SLC7A3: variants seen among roughly 807,000 people sequenced by gnomAD.
SLC7A3 encodes the protein cationic amino acid transporter 3.
In SLC7A3, 3 loss-of-function variants were observed where a neutral mutation model predicts 33.2. The ratio of observed to expected loss-of-function variants is 0.09; its 90% CI spans 0.04 to 0.23. The LOEUF (loss-of-function observed/expected upper bound fraction) is 0.23. Ranked by LOEUF, SLC7A3 falls within the 10% of genes least tolerant of loss-of-function variation. SLC7A3 has a pLI of 1.00. For synonymous variants in SLC7A3, 193 were observed against 195.1 expected (o/e 0.99, Z 0.09); for missense variants, 360 against 488.8 (o/e 0.74, Z 2.48).
At chrX:70,929,335 T>A (rs1488567498) in intron 2 of SLC7A3, among the ~76,000 whole-genome samples, 1 of 111,929 alleles carries the variant, frequency 8.9e-6, no homozygotes, top group Non-Finnish European at 1.9e-5. Flanking sequence ...AGGTGATCTG[T>A]CTGCCTCGGC....
intron 6 of SLC7A3, 58 bp from the exon 7 acceptor site, chrX:70,927,681 T>G: frequency 1.7e-6 from 2 of 1,181,333 alleles, no homozygotes; most frequent in Non-Finnish European, 2.3e-6. Flanking sequence ...TTCCCAAGAC[T>G]GTATGTTTAA....
Position 70,928,943 on chromosome X carries a change from T to C in SLC7A3, c.430A>G (p.Ile144Val). 6 of 1,211,471 alleles carry C rather than the reference T, an allele frequency of 5.0e-6. No homozygotes were observed. The highest frequency in any genetic ancestry group is 6.7e-6 in the Non-Finnish European group (6 of 895,246). The part of the protein sequence containing the change: ...SAFDNLIGNH[I>V]SKTLQGSIAL... ...ATGGACCCCTGCAGAGTCTTAGAGA[T>C]GTGGTTCCCAATCAGGTTGTCAAAA... Residue 144 changes from isoleucine to valine, a missense_variant, in exon 3 of 12, where the codon ATC (isoleucine) becomes GTC (valine). Transcript: ENST00000374299.
chrX:70,930,983 G>A lies in SLC7A3; in HGVS notation c.-32C>T, dbSNP rs1602238657. The stretch of plus-strand genomic sequence containing the variant: ...GTGGGTCCCCAACGCTTACCAGAGA[G>A]CTGTTGCAAACCTAGGGAGCACAGA... On this transcript the variant is annotated 5_prime_UTR_variant, in exon 1 of 12. Coordinates refer to ENST00000374299, the MANE Select transcript of SLC7A3 (RefSeq NM_032803.6). 9.0e-6 allele frequency: 1 copy of A among 111,066 alleles called. No individual in the cohort carries two copies. Among genetic ancestry groups the A allele is most frequent in the Non-Finnish European group, 1.9e-5 (1 of 52,932 alleles). 9.2% of individuals were successfully genotyped at this position (111,066 alleles called of 1,213,427 possible).
chrX:70,926,184 A>C lies in SLC7A3; in HGVS notation c.1621-6T>G, dbSNP rs41310635. 2.5e-6 allele frequency: 3 copies of C among 1,189,341 alleles called. No individual in the cohort carries two copies. Among genetic ancestry groups the C allele is most frequent in the Middle Eastern group, 2.3e-4 (1 of 4,313 alleles). On this transcript the variant is annotated splice_region_variant and splice_polypyrimidine_tract_variant and intron_variant, in intron 10 of 11. Coordinates refer to ENST00000374299, the MANE Select transcript of SLC7A3 (RefSeq NM_032803.6). Reference sequence around the variant, plus strand: ...AGGAGAGGCAAAGCAGGCACCTGAAAACAAAGTAAAATCTTCTTTGTACAT... The same window carrying C: ...AGGAGAGGCAAAGCAGGCACCTGAACACAAAGTAAAATCTTCTTTGTACAT...
rs901262033 is a variant in SLC7A3, at chrX:70,929,740, C to T, written c.258G>A (p.Glu86=). 9.9e-6 allele frequency: 12 copies of T among 1,211,273 alleles called. No homozygotes were observed. The highest frequency in any genetic ancestry group is 1.2e-5 in the Non-Finnish European group (11 of 895,279). The change falls in exon 2 of 12, where the codon GAG becomes GAA. Residue 86 remains glutamate (E), a synonymous_variant. Transcript: ENST00000374299. ...CAGAACGGGGAACCCGGGCACCAAA[C>T]TCCGCATAGCACAGCCCAGCCAACA... ...SSVLAGLCYA[E]FGARVPRSGS...
In SLC7A3 at chrX:70,929,852, C is replaced by T; in HGVS notation, c.146G>A (p.Gly49Asp). 1 of 1,211,582 alleles carries T rather than the reference C, an allele frequency of 8.3e-7. No homozygotes were observed. The highest frequency in any genetic ancestry group is 1.1e-6 in the Non-Finnish European group (1 of 895,299). The change falls in exon 2 of 12, where the codon GGC (glycine) becomes GAC (aspartate). Residue 49 changes from glycine (G) to aspartate (D), a missense_variant. Physicochemically the swap from Gly to Asp is moderately conservative, Grantham distance 94. Coordinates refer to ENST00000374299, the MANE Select transcript of SLC7A3 (RefSeq NM_032803.6). The part of the protein sequence containing the change: ...ALGVGSTLGA[G>D]VYVLAGEVAK... Reference sequence around the variant, plus strand: ...CACCTCGCCAGCTAGGACATACACGCCTGCACCCAATGTGCTGCCCACACC... The same window carrying T: ...CACCTCGCCAGCTAGGACATACACGTCTGCACCCAATGTGCTGCCCACACC...
rs541245944 is a variant in SLC7A3, at chrX:70,930,449, A to T, written c.-25-427T>A. On this transcript the variant is annotated intron_variant, in intron 1 of 11. Coordinates refer to ENST00000374299, the MANE Select transcript of SLC7A3 (RefSeq NM_032803.6). ...ACCCAGGGGCTTCCCCCGGGGCTTC[A>T]AACAGACACAGCCCCCAGACCCCCC... Among the ~76,000 whole-genome samples the T allele has an allele frequency of 1.1e-4, 12 of 111,649 alleles. No homozygotes were observed. In the South Asian group the frequency reaches 4.2e-3, roughly 39 times the overall value.
intron 9 of SLC7A3, 91 bp from the exon 10 acceptor site, chrX:70,926,784 C>G: frequency 8.7e-7 from 1 of 1,155,614 alleles, no homozygotes; most frequent in South Asian, 2.0e-5. Flanking sequence ...GAGTCGCTCT[C>G]TCTCTAGTTC....
chrX:70,926,837 T>C, intron 9 of SLC7A3, 38 bp downstream of exon 9: 1 of 1,196,119 alleles, frequency 8.4e-7, no homozygotes, highest in Non-Finnish European at 1.1e-6. Flanking sequence ...CCAATCACGC[T>C]GATCTCAGAG....
At chrX:70,927,228 T>C in intron 8 of SLC7A3, 54 bp downstream of exon 8, 1 of 1,130,390 alleles carries the variant, frequency 8.8e-7, no homozygotes, top group Non-Finnish European at 1.2e-6. Flanking sequence ...ATCTCCATCA[T>C]TCCTCATCCA....
At position 70,926,195 on chromosome X, in the gene SLC7A3, ATCT is replaced by A. The variant is rs770733317; in HGVS notation, c.1621-20_1621-18del. 2 of 1,167,404 alleles carry A rather than the reference ATCT, an allele frequency of 1.7e-6. No homozygotes were observed. The highest frequency in any genetic ancestry group is 2.3e-6 in the Non-Finnish European group (2 of 859,169). On this transcript the variant is annotated intron_variant, in intron 10 of 11. Coordinates refer to ENST00000374299, the MANE Select transcript of SLC7A3 (RefSeq NM_032803.6). ...AGCAGGCACCTGAAAACAAAGTAAA[ATCT>A]TCTTTGTACATACCACAGGTTGACC... is the stretch of plus-strand genomic sequence containing the variant.
chrX:70,928,344 C>G (rs2091902035), intron 4 of SLC7A3, 87 bp from the exon 5 acceptor site: 25 of 1,092,870 alleles, frequency 2.3e-5, no homozygotes, highest in Non-Finnish European at 3.0e-5. Flanking sequence ...TTAGCTAGGT[C>G]TTCAAAGCCC....
rs1258052210 is a variant in SLC7A3 at position 70,927,527 on chromosome X, T to C, written c.1140A>G (p.Thr380=). 1.7e-5 allele frequency: 20 copies of C among 1,209,375 alleles called. No individual in the cohort carries two copies. The highest frequency in any genetic ancestry group is 2.1e-5 in the Non-Finnish European group (19 of 895,072). ...FRVLARIHTG[T]RTPIIATVVS... ...CCACGGTGGCTATGATTGGGGTGCG[T>C]GTGCCGGTGTGGATCCGAGCAAGTA... The change falls in exon 7 of 12, where the codon ACA becomes ACG. Residue 380 remains threonine, a synonymous_variant. Transcript: ENST00000374299.
chrX:70,928,098 G>A (rs748806426), intron 5 of SLC7A3, 47 bp downstream of exon 5: 29 of 1,188,428 alleles, frequency 2.4e-5, no homozygotes, highest in Non-Finnish European at 1.1e-6. Context: ...TACAGCCTGG[G>A]CACACACTGT....
Position 70,928,619 on chromosome X carries a change from C to T in SLC7A3, c.544G>A (p.Gly182Arg), listed in dbSNP as rs767788043. The change falls in exon 4 of 12, where the codon GGG (glycine) becomes AGG (arginine). Residue 182 changes from glycine to arginine, a missense_variant. Coordinates refer to ENST00000374299, the MANE Select transcript of SLC7A3 (RefSeq NM_032803.6). ...GTAACCAGGGCCGACTCACTAGCCC[C>T]GAGAGCCAACAATCCTGTGGGAGAA... ...VLLLTGLLAL[G>R]ASESALVTKV... 6 of 1,202,271 alleles carry T rather than the reference C, an allele frequency of 5.0e-6. No homozygotes were observed. Among genetic ancestry groups the T allele is most frequent in the African/African-American group, 1.7e-5 (1 of 57,546 alleles).
At position 70,928,908 on chromosome X, in the gene SLC7A3, G is replaced by A. The variant is rs1174726573; in HGVS notation, c.465C>T (p.His155=). The A allele has an allele frequency of 2.5e-6, 3 of 1,210,976 alleles. No homozygotes were observed. The highest frequency in any genetic ancestry group is 3.5e-5 in the South Asian group (2 of 56,970). Residue 155 remains histidine, a synonymous_variant, in exon 3 of 12, where the codon CAC becomes CAT. Transcript: ENST00000374299. ...SKTLQGSIAL[H]VPHVLAEYPD... is the part of the protein sequence containing the mutation. ...GATATTCTGCAAGGACATGGGGCAC[G>A]TGCAGTGCAATGGACCCCTGCAGAG...
rs757200118 is a variant in SLC7A3, at chrX:70,927,535, T to C, written c.1132A>G (p.Thr378Ala). The C allele has an allele frequency of 8.7e-5, 105 of 1,209,242 alleles. 1 individual carries two copies. In the South Asian group the frequency reaches 1.7e-3, roughly 19 times the overall value. ...GCTATGATTGGGGTGCGTGTGCCGGTGTGGATCCGAGCAAGTACACGGAAC... is the reference window on the plus strand; with the variant it reads ...GCTATGATTGGGGTGCGTGTGCCGGCGTGGATCCGAGCAAGTACACGGAAC... Reference protein sequence around the residue: ...LLFRVLARIHTGTRTPIIATV... With the variant: ...LLFRVLARIHAGTRTPIIATV... The change falls in exon 7 of 12, where the codon ACC becomes GCC. Residue 378 changes from threonine to alanine, a missense_variant. Coordinates refer to ENST00000374299, the MANE Select transcript of SLC7A3 (RefSeq NM_032803.6).
Position 70,926,540 on chromosome X carries a change from G to C in SLC7A3, c.1607C>G (p.Pro536Arg). Residue 536 changes from proline (P) to arginine (R), a missense_variant, in exon 10 of 12, where the codon CCC becomes CGC. Transcript: ENST00000374299. ...VIWRQPQSST[P>R]LHFKVPALPL... The stretch of plus-strand genomic sequence containing the variant: ...GAGTTCATTTACCTTAAAGTGAAGG[G>C]GAGTGGAACTCTGTGGCTGTCTCCA... 1 of 1,198,791 alleles carries C rather than the reference G, an allele frequency of 8.3e-7. No individual in the cohort carries two copies. Among genetic ancestry groups the C allele is most frequent in the Non-Finnish European group, 1.1e-6 (1 of 889,061 alleles).
rs1171413071 is a variant in SLC7A3 at position 70,925,933 on chromosome X, G to C, written c.1740C>G (p.Ile580Met). ...FGVWMLIGFAIYFGYGIQHSL... is the reference protein window; with the variant it reads ...FGVWMLIGFAMYFGYGIQHSL... ...TGTGCTGGATCCCATAGCCGAAGTA[G>C]ATAGCAAAGCCTAGTGGGGAAAGGT... is the stretch of plus-strand genomic sequence containing the variant. Residue 580 changes from isoleucine (I) to methionine (M), a missense_variant, in exon 12 of 12, where the codon ATC (isoleucine) becomes ATG (methionine). Physicochemically the swap from Ile to Met is conservative, Grantham distance 10 (BLOSUM62 1). Coordinates refer to ENST00000374299, the MANE Select transcript of SLC7A3 (RefSeq NM_032803.6). The C allele has an allele frequency of 8.3e-7, 1 of 1,211,805 alleles. No homozygotes were observed. The highest frequency in any genetic ancestry group is 1.8e-5 in the South Asian group (1 of 56,982).
Sources: allele counts gnomAD v4.1 joint callset (sites outside exome capture counted in the v4.1 genomes callset), GRCh38; gene constraint gnomAD v4.1.1; transcripts MANE v1.5; gene names NCBI Gene and HGNC (gene_info 2026-07-23, HGNC 2026-07-21).